The following MYLK3 variants were observed in gnomAD, a reference collection of about 807,000 sequenced individuals.
MYLK3 encodes the protein myosin light chain kinase 3, also known as MLC kinase.
MYLK3 carries 55 observed loss-of-function variants against 76.3 expected under a neutral mutation model. The observed-to-expected ratio is 0.72, with a 90% CI of 0.58 to 0.90. The LOEUF (loss-of-function observed/expected upper bound fraction) is 0.90, where lower values mean the gene tolerates loss of function less well. MYLK3 is among the 40% of genes least tolerant of loss of function. The probability of loss-of-function intolerance (pLI) is 0.00; values close to 1 mark genes in which losing one functional copy is unlikely to be tolerated. For synonymous variants in MYLK3, 416 were observed against 425.4 expected (o/e 0.98, Z 0.27); for missense variants, 973 against 1,053.6 (o/e 0.92, Z 1.06).
intron 1 of MYLK3, among the ~76,000 whole-genome samples, chr16:46,759,452 C>T (rs1344892233): frequency 6.6e-6 from 1 of 152,186 alleles, no homozygotes; most frequent in Non-Finnish European, 1.5e-5. Context: ...AATTACTGTA[C>T]TTGCCCCTCA....
chr16:46,763,092 G>C, exon 1 of MYLK3: 1 of 985,182 alleles, frequency 1.0e-6, no homozygotes, highest in Non-Finnish European at 1.2e-6. Flanking sequence ...GTTTTCATAA[G>C]TCTCCAGTGA....
chr16:46,758,942 A>C (rs1346818589), intron 1 of MYLK3, among the ~76,000 whole-genome samples: 1 of 152,240 alleles, frequency 6.6e-6, no homozygotes, highest in African/African-American at 2.4e-5. Flanking sequence ...CCATAGTAAA[A>C]TGTCTATGAC....
intron 1 of MYLK3, among the ~76,000 whole-genome samples, chr16:46,759,962 C>G (rs1967255297): frequency 6.6e-6 from 1 of 152,232 alleles, no homozygotes; most frequent in Admixed American, 6.5e-5. Context: ...CTCACTGAAA[C>G]TTTCTGCTTT....
intron 1 of MYLK3, among the ~76,000 whole-genome samples, chr16:46,744,630 C>T (rs1966991752): frequency 6.6e-6 from 1 of 152,110 alleles, no homozygotes; most frequent in Non-Finnish European, 1.5e-5. Flanking sequence ...GCTTGAGCCA[C>T]CTCGCCCAGC....
intron 1 of MYLK3, among the ~76,000 whole-genome samples, chr16:46,740,553 T>TA (rs1316569378): frequency 0.42 from 36,252 of 86,832 alleles, 4,634 homozygotes; most frequent in Middle Eastern, 0.48. Context: ...ATATATATAT[T>TA]TTTTTTTTTT....
chr16:46,716,515 G>GTC, intron 9 of MYLK3, among the ~76,000 whole-genome samples: 1 of 151,624 alleles, frequency 6.6e-6, no homozygotes, highest in African/African-American at 2.4e-5. Context: ...GTGTGTGTGT[G>GTC]TGTGTGTGTG....
rs186637930 is a variant in MYLK3, at chr16:46,708,020, G to A, written c.2401-257C>T. ...TCTTTTTTTGGGGAGGGGGTAGGGG[G>A]GTCAGGATGGGGTCTGGCTCTGTTG... On this transcript the variant is annotated intron_variant, in intron 12 of 12. Transcript: ENST00000394809. 4.6e-5 allele frequency among the ~76,000 whole-genome samples: 7 copies of A among 151,872 alleles called. No homozygotes were observed. The East Asian group carries it at 1.2e-3, about 25-fold the overall frequency.
chr16:46,724,012 T>C (rs1466265069), intron 8 of MYLK3, among the ~76,000 whole-genome samples: 1 of 152,246 alleles, frequency 6.6e-6, no homozygotes, highest in African/African-American at 2.4e-5. Context: ...GGATATGAAA[T>C]AGTATCTCAT....
At chr16:46,723,096 CA>C (rs371141046) in intron 8 of MYLK3, among the ~76,000 whole-genome samples, 13 of 146,466 alleles carry the variant, frequency 8.9e-5, no homozygotes, top group Admixed American at 1.4e-4. Flanking sequence ...TTCATCACCT[CA>C]AAAAAAAAAC....
intron 9 of MYLK3, among the ~76,000 whole-genome samples, chr16:46,718,238 A>T (rs1051959031): frequency 6.6e-6 from 1 of 152,230 alleles, no homozygotes; most frequent in Non-Finnish European, 1.5e-5. Context: ...CCTAGTGTAT[A>T]CAACGTGCAA....
At chr16:46,753,212 G>A (rs553750156), upstream of MYLK3, among the ~76,000 whole-genome samples, 10 of 152,290 alleles carry the variant, frequency 6.6e-5, no homozygotes, top group Non-Finnish European at 8.8e-5. Flanking sequence ...TTCGGACCCC[G>A]ATACCCCCGG....
intron 1 of MYLK3, among the ~76,000 whole-genome samples, chr16:46,757,940 G>C (rs1235583183): frequency 1.3e-5 from 2 of 152,170 alleles, no homozygotes; most frequent in African/African-American, 4.8e-5. Flanking sequence ...GGACAGAGGA[G>C]AGGCCGGGTC....
rs1050368437 is a variant in MYLK3, at chr16:46,709,688, C to G, written c.2268-17G>C. ...ATTCTGCAGCTGTGAAATCAAAGAG[C>G]AGTTAAGACTTTTAGTTGGAGTTGC... On this transcript the variant is annotated splice_polypyrimidine_tract_variant and intron_variant, in intron 11 of 12. Coordinates refer to ENST00000394809, the MANE Select transcript of MYLK3 (RefSeq NM_182493.3). 1 of 1,604,768 alleles carries G rather than the reference C, an allele frequency of 6.2e-7. No homozygotes were observed. The highest frequency in any genetic ancestry group is 8.5e-7 in the Non-Finnish European group (1 of 1,177,576).
chr16:46,752,402 T>C (rs1360586411), upstream of MYLK3, among the ~76,000 whole-genome samples: 3 of 152,092 alleles, frequency 2.0e-5, no homozygotes, highest in African/African-American at 7.2e-5. Flanking sequence ...ACCCAGCTAA[T>C]TTTTAATTTT....
At chr16:46,739,137 G>A (rs912640275) in intron 2 of MYLK3, among the ~76,000 whole-genome samples, 1 of 151,964 alleles carries the variant, frequency 6.6e-6, no homozygotes, top group Non-Finnish European at 1.5e-5. Context: ...CACCGTGCCC[G>A]GCCTCTTATT....
At chr16:46,708,558 G>T (rs1290923970) in intron 12 of MYLK3, among the ~76,000 whole-genome samples, 3 of 152,060 alleles carry the variant, frequency 2.0e-5, no homozygotes, top group African/African-American at 7.2e-5. Context: ...GAACTCAAGT[G>T]ATCCTCCCCA....
At chr16:46,708,523 C>T (rs1053678178) in intron 12 of MYLK3, among the ~76,000 whole-genome samples, 4 of 151,960 alleles carry the variant, frequency 2.6e-5, no homozygotes, top group Admixed American at 6.6e-5. Flanking sequence ...GGCGTGATCA[C>T]GGCTCACTGC....
At position 46,740,069 on chromosome 16, in the gene MYLK3, C is replaced by G. The variant is rs55813660; in HGVS notation, c.556G>C (p.Glu186Gln). 192 of 1,611,232 alleles carry G rather than the reference C, an allele frequency of 1.2e-4. No individual in the cohort carries two copies. Among genetic ancestry groups the G allele is most frequent in the Non-Finnish European group, 1.6e-4 (187 of 1,178,104 alleles). ...STSGVQSDAR[E>Q]PGEESQKADV... ...GGGTCCCACTCACCTTCCCCAGGCT[C>G]CCTGGCATCAGACTGCACCCCACTG... is the stretch of plus-strand genomic sequence containing the variant. The change falls in exon 2 of 13, where the codon GAG becomes CAG. Residue 186 changes from glutamate to glutamine, a missense_variant. Coordinates refer to ENST00000394809, the MANE Select transcript of MYLK3 (RefSeq NM_182493.3).
chr16:46,746,984 G>A (rs930430190), intron 1 of MYLK3, among the ~76,000 whole-genome samples: 2 of 152,178 alleles, frequency 1.3e-5, no homozygotes, highest in African/African-American at 4.8e-5. Flanking sequence ...CCAGAGGCTG[G>A]TGAGTCACTG....
Sources: allele counts gnomAD v4.1 joint callset (sites outside exome capture counted in the v4.1 genomes callset), GRCh38; gene constraint gnomAD v4.1.1; transcripts MANE v1.5; gene names NCBI Gene and HGNC (gene_info 2026-07-23, HGNC 2026-07-21).